SAMD12: variants seen among roughly 807,000 people sequenced by gnomAD.
The protein encoded by SAMD12 is sterile alpha motif domain-containing protein 12.
Under a neutral mutation model 15.0 loss-of-function variants are expected in SAMD12, and 9 were observed. The observed-to-expected ratio is 0.60, with a 90% CI of 0.36 to 1.05. The LOEUF (loss-of-function observed/expected upper bound fraction) is 1.05, where lower values mean the gene tolerates loss of function less well. Among genes scored for constraint, SAMD12 ranks in the 50% least tolerant of loss-of-function variants. The pLI is 0.01. For missense variants in SAMD12, 230 were observed against 234.2 expected (o/e 0.98, Z 0.12); for synonymous variants, 86 against 90.1 (o/e 0.96, Z 0.25).
At chr8:118,491,461 A>G (rs1824438154) in intron 2 of SAMD12, among the ~76,000 whole-genome samples, 1 of 152,188 alleles carries the variant, frequency 6.6e-6, no homozygotes, top group Non-Finnish European at 1.5e-5. Context: ...ATTCTTGGTT[A>G]TCTAACACAG....
intron 2 of SAMD12, among the ~76,000 whole-genome samples, chr8:118,487,828 T>C (rs891803959): frequency 3.3e-5 from 5 of 152,156 alleles, no homozygotes; most frequent in Admixed American, 2.6e-4. Context: ...CACAATATGG[T>C]CCAGCATGGC....
At position 118,320,838 on chromosome 8, in the gene SAMD12, A is replaced by ATAT. The variant is rs779268963; in HGVS notation, c.433+58721_433+58722insATA. 2.3e-3 allele frequency among the ~76,000 whole-genome samples: 308 copies of ATAT among 136,202 alleles called. 2 individuals are homozygous for ATAT. Among genetic ancestry groups the ATAT allele is most frequent in the Non-Finnish European group, 3.2e-3 (213 of 67,084 alleles). The allele number at this position is 136,202 out of a possible 152,430, so 89.4% of individuals were successfully genotyped here. On this transcript the variant is annotated intron_variant, in intron 4 of 4. Coordinates refer to the SAMD12 transcript ENST00000409003. Reference sequence around the variant, plus strand: ...TAATAAAAATATATATATATATATAAAAATCTATAACAGAACAATGCATGT... The same window carrying ATAT: ...TAATAAAAATATATATATATATATAATATAAATCTATAACAGAACAATGCATGT...
Position 118,379,156 on chromosome 8 carries a change from G to T in SAMD12, c.*261C>A. The T allele has an allele frequency of 1.7e-6, 2 of 1,207,728 alleles. No homozygotes were observed. The highest frequency in any genetic ancestry group is 3.2e-5 in the South Asian group (1 of 31,276). 74.8% of individuals were successfully genotyped at this position (1,207,728 alleles called of 1,614,324 possible). The stretch of plus-strand genomic sequence containing the variant: ...TATTGAATCACTCAAATGCTAAAGC[G>T]CCCTCACAATTGGCGCAGGTGAAGA... On this transcript the variant is annotated 3_prime_UTR_variant, in exon 4 of 4. Transcript: ENST00000314727.
intron 4 of SAMD12, among the ~76,000 whole-genome samples, chr8:118,371,671 C>T (rs1044066751): frequency 6.6e-6 from 1 of 152,018 alleles, no homozygotes; most frequent in Admixed American, 6.6e-5. Context: ...TTTGAGATGT[C>T]AGAGAAATAT....
At chr8:118,546,071 G>A (rs1168499244) in intron 2 of SAMD12, among the ~76,000 whole-genome samples, 1 of 152,144 alleles carries the variant, frequency 6.6e-6, no homozygotes. Flanking sequence ...CACAAAGCAA[G>A]CTCCAAACAA....
intron 3 of SAMD12, among the ~76,000 whole-genome samples, chr8:118,380,406 G>A (rs1025417247): frequency 2.6e-5 from 4 of 152,156 alleles, no homozygotes; most frequent in African/African-American, 9.7e-5. Context: ...ACCTAGAGGT[G>A]TGAGTGCCTG....
intron 1 of SAMD12, among the ~76,000 whole-genome samples, chr8:118,598,003 T>C (rs1827765861): frequency 6.6e-6 from 1 of 152,228 alleles, no homozygotes; most frequent in South Asian, 2.1e-4. Context: ...ATAGGATGCC[T>C]CTTCTGTGTT....
intron 2 of SAMD12, 74 bp from the exon 3 acceptor site, chr8:118,440,035 G>A (rs1354838892): frequency 2.0e-6 from 3 of 1,470,892 alleles, no homozygotes; most frequent in African/African-American, 1.4e-5. Context: ...AAGTCTTAGA[G>A]TGTGTTAAAG....
In SAMD12 at chr8:118,349,989, G is replaced by A. The variant is rs192734736; in HGVS notation, c.433+29571C>T. Among the ~76,000 whole-genome samples the A allele has an allele frequency of 5.8e-4, 88 of 152,052 alleles. 3 individuals carry two copies. The highest frequency in any genetic ancestry group is 4.4e-3 in the Admixed American group (67 of 15,264). The stretch of plus-strand genomic sequence containing the variant: ...CAAAAAATTGAAAAGCTAGCCAGCC[G>A]TGGTGGTACATGCCTGTAGTCCCAG... On this transcript the variant is annotated intron_variant, in intron 4 of 4. Transcript: ENST00000409003.
intron 2 of SAMD12, among the ~76,000 whole-genome samples, chr8:118,554,044 A>G (rs1208847228): frequency 1.3e-5 from 2 of 152,080 alleles, no homozygotes; most frequent in Admixed American, 6.5e-5. Flanking sequence ...CAGGTGCTGG[A>G]GCGGATGTGG....
intron 2 of SAMD12, among the ~76,000 whole-genome samples, chr8:118,512,521 A>G (rs978923841): frequency 4.4e-4 from 67 of 152,232 alleles, no homozygotes; most frequent in African/African-American, 1.6e-3. Context: ...TCAATAAATG[A>G]TATTTTTATG....
chr8:118,182,778 C>T, the SAMD12 span, among the ~76,000 whole-genome samples: 2 of 152,112 alleles, frequency 1.3e-5, no homozygotes, highest in Admixed American at 1.3e-4. Context: ...TTGAGAGCGA[C>T]AGCACAAAAA....
rs532098379 is a variant in SAMD12, at chr8:118,563,003, G to A, written c.192+17712C>T. ...AATCGCTATATTTGAGGAGTGAAGTGAAAAACAGAAACAAAAGGTTGCTTT... is the reference window on the plus strand; with the variant it reads ...AATCGCTATATTTGAGGAGTGAAGTAAAAAACAGAAACAAAAGGTTGCTTT... On this transcript the variant is annotated intron_variant, in intron 2 of 3. Coordinates refer to ENST00000314727, the MANE Select transcript of SAMD12 (RefSeq NM_207506.3). Among the ~76,000 whole-genome samples, 4 of 152,264 alleles carry A rather than the reference G, an allele frequency of 2.6e-5. No individual in the cohort carries two copies. The South Asian group carries it at 8.3e-4, about 32-fold the overall frequency.
chr8:118,266,459 C>T (rs1289519520), intron 4 of SAMD12, among the ~76,000 whole-genome samples: 1 of 152,086 alleles, frequency 6.6e-6, no homozygotes. Flanking sequence ...AGTAGAATTA[C>T]CATATAATCT....
At chr8:118,196,229 A>C (rs887824893) in exon 5 of SAMD12, 4 of 152,170 alleles carry the variant, frequency 2.6e-5, no homozygotes, top group African/African-American at 9.7e-5. Context: ...AGACACCCTA[A>C]AACACCAAGC....
At chr8:118,560,519 C>T (rs894715747) in intron 2 of SAMD12, among the ~76,000 whole-genome samples, 1 of 152,142 alleles carries the variant, frequency 6.6e-6, no homozygotes, top group Admixed American at 6.5e-5. Flanking sequence ...TGTAATGAAG[C>T]AGGAGCTAGG....
Position 118,479,243 on chromosome 8 carries a change from C to T in SAMD12, c.193-39282G>A, listed in dbSNP as rs533057650. 1.8e-4 allele frequency among the ~76,000 whole-genome samples: 27 copies of T among 152,228 alleles called. No homozygotes were observed. In the East Asian group the frequency reaches 4.8e-3, roughly 27 times the overall value. On this transcript the variant is annotated intron_variant, in intron 2 of 3. Coordinates refer to ENST00000314727, the MANE Select transcript of SAMD12 (RefSeq NM_207506.3). ...TTGCCAGACACACTGTGCCTCAGGACCTCTGCACTGGCTGTTCCCCCCACA... is the reference window on the plus strand; with the variant it reads ...TTGCCAGACACACTGTGCCTCAGGATCTCTGCACTGGCTGTTCCCCCCACA...
At chr8:118,318,320 A>C (rs374408309) in intron 4 of SAMD12, among the ~76,000 whole-genome samples, 1 of 14,170 alleles carries the variant, frequency 7.1e-5, no homozygotes, top group South Asian at 2.3e-3. Context: ...GTATATATAT[A>C]TATATATATA....
At chr8:118,366,891 A>AAAT (rs1818825443) in intron 4 of SAMD12, among the ~76,000 whole-genome samples, 3 of 94,452 alleles carry the variant, frequency 3.2e-5, no homozygotes, top group African/African-American at 8.9e-5. Context: ...TAATAAAATA[A>AAAT]AATAAAATAA....
Sources: allele counts gnomAD v4.1 joint callset (sites outside exome capture counted in the v4.1 genomes callset), GRCh38; gene constraint gnomAD v4.1.1; transcripts MANE v1.5; gene names NCBI Gene and HGNC (gene_info 2026-07-23, HGNC 2026-07-21).